The following KCNIP4 variants were observed in gnomAD, a reference collection of about 807,000 sequenced individuals.
KCNIP4 encodes the protein Kv channel-interacting protein 4.
A neutral mutation model predicts 34.0 loss-of-function variants in KCNIP4; 12 were observed. That is an observed-to-expected ratio of 0.35 (90% CI 0.23 to 0.57). The LOEUF (loss-of-function observed/expected upper bound fraction) is 0.57, where lower values mean the gene tolerates loss of function less well. KCNIP4 is among the 20% of genes least tolerant of loss of function. The pLI is 0.83. For synonymous variants in KCNIP4, 124 were observed against 102.2 expected (o/e 1.21, Z -1.29); for missense variants, 238 against 311.7 (o/e 0.76, Z 1.78).
At chr4:20,813,805 C>T (rs1237251874) in intron 3 of KCNIP4, among the ~76,000 whole-genome samples, 1 of 152,220 alleles carries the variant, frequency 6.6e-6, no homozygotes, top group Non-Finnish European at 1.5e-5. Flanking sequence ...TGGCACAGAA[C>T]ATCCTGTGTA....
At chr4:21,861,656 C>CAAAAAAAA (rs59277001) in intron 1 of KCNIP4, among the ~76,000 whole-genome samples, 2 of 101,296 alleles carry the variant, frequency 2.0e-5, no homozygotes, top group Non-Finnish European at 1.9e-5. Flanking sequence ...GACTCCGTCT[C>CAAAAAAAA]AAAAAAAAAA....
intron 3 of KCNIP4, among the ~76,000 whole-genome samples, chr4:20,779,593 A>G (rs1409314120): frequency 2.6e-5 from 2 of 76,910 alleles, no homozygotes; most frequent in African/African-American, 9.6e-5. Flanking sequence ...CCCCCCACAC[A>G]AAAAAGAAAT....
chr4:21,854,226 G>A (rs546450767), intron 1 of KCNIP4, among the ~76,000 whole-genome samples: 1 of 152,278 alleles, frequency 6.6e-6, no homozygotes, highest in South Asian at 2.1e-4. Flanking sequence ...AGACATAACT[G>A]CTCCTGCACT....
intron 1 of KCNIP4, among the ~76,000 whole-genome samples, chr4:21,745,405 T>G (rs1047663151): frequency 7.9e-5 from 12 of 152,206 alleles, no homozygotes; most frequent in African/African-American, 2.2e-4. Flanking sequence ...AAGATTTGTT[T>G]TAAGTGAGGT....
intron 1 of KCNIP4, among the ~76,000 whole-genome samples, chr4:21,208,798 T>C (rs999986811): frequency 6.6e-6 from 1 of 152,176 alleles, no homozygotes; most frequent in Admixed American, 6.5e-5. Context: ...AATGGACTCA[T>C]AGTTCAGCAT....
At chr4:21,214,529 C>T (rs1757432060) in intron 1 of KCNIP4, among the ~76,000 whole-genome samples, 1 of 152,120 alleles carries the variant, frequency 6.6e-6, no homozygotes, top group Non-Finnish European at 1.5e-5. Context: ...TGATATGTTT[C>T]CACTAGTTTG....
At chr4:20,759,020 C>T (rs2149358774) in intron 3 of KCNIP4, 130 bp from the exon 4 acceptor site, 4 of 651,920 alleles carry the variant, frequency 6.1e-6, no homozygotes, top group Non-Finnish European at 1.1e-5. Context: ...TCCATTATTA[C>T]AAAGGGAATA....
intron 1 of KCNIP4, among the ~76,000 whole-genome samples, chr4:21,046,585 T>TTATTTATTTATTTATTTATC (rs764956206): frequency 0.23 from 34,912 of 150,618 alleles, 4,154 homozygotes; most frequent in Middle Eastern, 0.31. Flanking sequence ...GCTAATTTAT[T>TTATTTATTTATTTATTTATC]TATTTATTTA....
intron 1 of KCNIP4, among the ~76,000 whole-genome samples, chr4:21,064,339 A>T (rs914384147): frequency 6.6e-6 from 1 of 152,060 alleles, no homozygotes; most frequent in Non-Finnish European, 1.5e-5. Flanking sequence ...GTTCAAAGGG[A>T]ATGCTTTATG....
At chr4:20,905,853 G>GA (rs1727706043) in intron 1 of KCNIP4, among the ~76,000 whole-genome samples, 1 of 151,730 alleles carries the variant, frequency 6.6e-6, no homozygotes. Flanking sequence ...AAGGTATAGG[G>GA]AAAAAAACAG....
At chr4:21,296,093 T>G (rs1400264998) in intron 1 of KCNIP4, among the ~76,000 whole-genome samples, 2 of 152,192 alleles carry the variant, frequency 1.3e-5, no homozygotes, top group Non-Finnish European at 2.9e-5. Flanking sequence ...TAGCTGGCAC[T>G]TGGGAGTTCT....
rs1374902810 is a variant in KCNIP4, at chr4:21,344,538, C to A, written c.62-461829G>T. Among the ~76,000 whole-genome samples, 3 of 151,734 alleles carry A rather than the reference C, an allele frequency of 2.0e-5. No individual in the cohort carries two copies. In the East Asian group the frequency reaches 5.8e-4, roughly 29 times the overall value. On this transcript the variant is annotated intron_variant, in intron 1 of 8. Transcript: ENST00000382152. ...GAATCTAAAAGGAGCAGCCACCAAT[C>A]CAAAGAAAAAAATGGAATTTATTGT...
At chr4:21,502,074 T>C (rs1329568702) in intron 1 of KCNIP4, among the ~76,000 whole-genome samples, 2 of 151,800 alleles carry the variant, frequency 1.3e-5, no homozygotes, top group Non-Finnish European at 2.9e-5. Context: ...ACTCTAATTA[T>C]GGTTTCGACC....
chr4:21,903,388 TTA>T (rs1727814694), intron 1 of KCNIP4, among the ~76,000 whole-genome samples: 1 of 152,152 alleles, frequency 6.6e-6, no homozygotes, highest in Non-Finnish European at 1.5e-5. Flanking sequence ...TGATATAATA[TTA>T]TTAACCATAT....
At chr4:21,853,001 C>T (rs1724507199) in intron 1 of KCNIP4, 1 of 152,084 alleles carries the variant, frequency 6.6e-6, no homozygotes, top group African/African-American at 2.4e-5. Flanking sequence ...TTGAAGAACA[C>T]TTTTGCTAAC....
chr4:21,795,799 G>A (rs931950430), intron 1 of KCNIP4, among the ~76,000 whole-genome samples: 1 of 152,154 alleles, frequency 6.6e-6, no homozygotes, highest in Admixed American at 6.5e-5. Flanking sequence ...CGGGTGTGGT[G>A]GCTCACGCCT....
At chr4:21,217,340 A>T (rs572033165) in intron 1 of KCNIP4, among the ~76,000 whole-genome samples, 1 of 152,296 alleles carries the variant, frequency 6.6e-6, no homozygotes, top group Admixed American at 6.5e-5. Flanking sequence ...AACAATCTCA[A>T]AGAAGTCTAC....
rs185847959 is a variant in KCNIP4 at position 21,829,735 on chromosome 4, G to A, written c.61+118836C>T. Among the ~76,000 whole-genome samples, 1,276 of 151,890 alleles carry A rather than the reference G, an allele frequency of 8.4e-3. 14 individuals carry two copies. Among genetic ancestry groups the A allele is most frequent in the South Asian group, 0.028 (136 of 4,822 alleles). The stretch of plus-strand genomic sequence containing the variant: ...ACCAATAAAAATTAACGTAATAGCA[G>A]AGAAAGAAAGAAAAAGAGGAAGAAA... On this transcript the variant is annotated intron_variant, in intron 1 of 8. Coordinates refer to ENST00000382152, the MANE Select transcript of KCNIP4 (RefSeq NM_025221.6).
In KCNIP4 at chr4:21,323,066, G is replaced by A. The variant is rs116459057; in HGVS notation, c.62-440357C>T. On this transcript the variant is annotated intron_variant, in intron 1 of 8. Coordinates refer to ENST00000382152, the MANE Select transcript of KCNIP4 (RefSeq NM_025221.6). ...ACTTCTGGTGATGAATTGATGAAGT[G>A]TTGCCAAATTTTCATCAAATGTTGA... is the stretch of plus-strand genomic sequence containing the variant. Among the ~76,000 whole-genome samples the A allele has an allele frequency of 6.4e-3, 970 of 151,244 alleles. 12 individuals are homozygous for A. Among genetic ancestry groups the A allele is most frequent in the African/African-American group, 0.023 (931 of 41,142 alleles).
Sources: gnomAD v4.1 joint callset for allele counts (sites outside exome capture counted in the v4.1 genomes callset) on GRCh38, gnomAD v4.1.1 for gene constraint, MANE v1.5 for transcripts, NCBI Gene and HGNC (gene_info 2026-07-23, HGNC 2026-07-21) for gene names.